Variants in BMPR1B observed in about 807,000 individuals in gnomAD.
BMPR1B encodes the protein bone morphogenetic protein receptor type 1B, also known as bone morphogenetic protein receptor type-1B.
BMPR1B carries 12 observed loss-of-function variants against 59.1 expected under a neutral mutation model. The ratio of observed to expected loss-of-function variants is 0.20; its 90% CI spans 0.13 to 0.33. BMPR1B has a LOEUF of 0.33. Ranked by LOEUF, BMPR1B falls within the 10% of genes least tolerant of loss-of-function variation. The probability of loss-of-function intolerance (pLI) is 1.00; values close to 1 mark genes in which losing one functional copy is unlikely to be tolerated. For missense variants in BMPR1B, 550 were observed against 610.9 expected (o/e 0.90, Z 1.05); for synonymous variants, 237 against 207.3 (o/e 1.14, Z -1.23).
chr4:95,095,436 T>C (rs1730297109), intron 3 of BMPR1B, among the ~76,000 whole-genome samples: 1 of 152,084 alleles, frequency 6.6e-6, no homozygotes, highest in African/African-American at 2.4e-5. Context: ...CCAAAGTTGT[T>C]GCTAGCCAGT....
chr4:95,032,654 GC>G (rs1279845861), intron 3 of BMPR1B, among the ~76,000 whole-genome samples: 1 of 152,006 alleles, frequency 6.6e-6, no homozygotes, highest in Non-Finnish European at 1.5e-5. Context: ...ATTTCACTTG[GC>G]CTAATATCCT....
intron 2 of BMPR1B, among the ~76,000 whole-genome samples, chr4:94,990,225 A>G (rs980858251): frequency 6.6e-6 from 1 of 152,066 alleles, no homozygotes; most frequent in African/African-American, 2.4e-5. Flanking sequence ...GCGTAGTGGC[A>G]GGCGCCTGTA....
intron 4 of BMPR1B, among the ~76,000 whole-genome samples, chr4:95,109,914 T>A (rs1029830511): frequency 2.3e-5 from 3 of 131,150 alleles, no homozygotes; most frequent in African/African-American, 5.8e-5. Flanking sequence ...CCTGTGTCCA[T>A]GTGTTCTCAT....
chr4:94,898,621 G>A, intron 2 of BMPR1B, among the ~76,000 whole-genome samples: 1 of 152,028 alleles, frequency 6.6e-6, no homozygotes, highest in East Asian at 1.9e-4. Context: ...CCAGCAATGT[G>A]GAACTGTGAG....
intron 11 of BMPR1B, among the ~76,000 whole-genome samples, chr4:95,151,467 C>T (rs1398015793): frequency 1.3e-5 from 2 of 152,092 alleles, no homozygotes; most frequent in East Asian, 3.9e-4. Context: ...GCGTGTTAGG[C>T]CCTGTGCTTT....
At chr4:95,009,336 A>G (rs1489168722) in intron 3 of BMPR1B, among the ~76,000 whole-genome samples, 1 of 152,194 alleles carries the variant, frequency 6.6e-6, no homozygotes, top group East Asian at 1.9e-4. Context: ...TAGTAGTAGT[A>G]TACATAGTAG....
chr4:94,857,782 A>G (rs1327279039), intron 1 of BMPR1B, among the ~76,000 whole-genome samples: 1 of 152,230 alleles, frequency 6.6e-6, no homozygotes, highest in Non-Finnish European at 1.5e-5. Flanking sequence ...AACCTATTTT[A>G]AACAATACAA....
intron 2 of BMPR1B, among the ~76,000 whole-genome samples, chr4:94,978,103 T>G (rs940973661): frequency 1.8e-4 from 28 of 152,232 alleles, no homozygotes; most frequent in South Asian, 8.3e-4. Context: ...CAGGCCCTTC[T>G]GTCTTCCATA....
intron 3 of BMPR1B, among the ~76,000 whole-genome samples, chr4:95,003,714 A>G (rs1722614179): frequency 6.6e-6 from 1 of 150,764 alleles, no homozygotes; most frequent in Admixed American, 6.6e-5. Context: ...AGAAACTGAG[A>G]CCCCAAAATG....
intron 2 of BMPR1B, among the ~76,000 whole-genome samples, chr4:94,929,792 A>C (rs746595064): frequency 6.6e-6 from 1 of 151,960 alleles, no homozygotes; most frequent in African/African-American, 2.4e-5. Flanking sequence ...TGATTTCTGC[A>C]CGTCTCCACT....
chr4:94,993,427 A>T (rs887163421), intron 2 of BMPR1B, among the ~76,000 whole-genome samples: 3 of 152,186 alleles, frequency 2.0e-5, no homozygotes, highest in Non-Finnish European at 2.9e-5. Context: ...AGAAAATTTA[A>T]CATTAAAAAT....
chr4:95,114,332 C>A (rs1410652378), intron 4 of BMPR1B, among the ~76,000 whole-genome samples: 1 of 152,070 alleles, frequency 6.6e-6, no homozygotes, highest in African/African-American at 2.4e-5. Flanking sequence ...ATATAGAAAG[C>A]AACAGTAGTG....
intron 1 of BMPR1B, among the ~76,000 whole-genome samples, chr4:94,858,833 C>T (rs961173193): frequency 6.6e-6 from 1 of 152,174 alleles, no homozygotes; most frequent in Admixed American, 6.5e-5. Flanking sequence ...GTGAAAGACA[C>T]TGTAATCCTA....
chr4:94,863,409 T>C (rs1726080858), intron 1 of BMPR1B, among the ~76,000 whole-genome samples: 1 of 152,172 alleles, frequency 6.6e-6, no homozygotes, highest in African/African-American at 2.4e-5. Flanking sequence ...TTCTTGAGTA[T>C]ATCAGTCGAG....
Position 95,154,796 on chromosome 4 carries a change from T to C in BMPR1B, c.*123T>C. The C allele has an allele frequency of 6.9e-7, 1 of 1,440,054 alleles. No individual in the cohort carries two copies. Among genetic ancestry groups the C allele is most frequent in the Non-Finnish European group, 9.6e-7 (1 of 1,037,908 alleles). 89.2% of individuals were successfully genotyped at this position (1,440,054 alleles called of 1,614,324 possible). A position where few individuals can be genotyped will look rare whatever the true frequency, so the allele number is the denominator to read the frequency against. ...CCTTGAACATCGTCCTGCTTCCCAG[T>C]GGGTTCAGACCTCACCTCTCAGGGA... is the stretch of plus-strand genomic sequence containing the variant. On this transcript the variant is annotated 3_prime_UTR_variant, in exon 13 of 13. Transcript: ENST00000515059.
chr4:94,850,408 G>A (rs550540902), intron 1 of BMPR1B, among the ~76,000 whole-genome samples: 60 of 152,252 alleles, frequency 3.9e-4, no homozygotes, highest in African/African-American at 1.4e-3. Context: ...GTGGCAGGTA[G>A]CGTGACTGCC....
chr4:94,992,892 C>T (rs1449343736), intron 2 of BMPR1B, among the ~76,000 whole-genome samples: 4 of 150,660 alleles, frequency 2.7e-5, no homozygotes, highest in Admixed American at 6.6e-5. Flanking sequence ...CTTTTTTTTT[C>T]CCCCTAAAGA....
At position 95,137,815 on chromosome 4, in the gene BMPR1B, G is replaced by C. The variant is rs1333315333; in HGVS notation, c.1076+6303G>C. Among the ~76,000 whole-genome samples the C allele has an allele frequency of 3.3e-5, 5 of 152,058 alleles. No homozygotes were observed. In the South Asian group the frequency reaches 1.0e-3, roughly 32 times the overall value. ...CTATGTGTGTCTCTGCACATGAGATGGGTCTCCTGAATACAGCACACTGAT... is the reference window on the plus strand; with the variant it reads ...CTATGTGTGTCTCTGCACATGAGATCGGTCTCCTGAATACAGCACACTGAT... On this transcript the variant is annotated intron_variant, in intron 10 of 12. Coordinates refer to ENST00000515059, the MANE Select transcript of BMPR1B (RefSeq NM_001203.3).
chr4:95,015,950 C>T (rs1048748955), intron 3 of BMPR1B, among the ~76,000 whole-genome samples: 5 of 152,148 alleles, frequency 3.3e-5, no homozygotes, highest in African/African-American at 1.2e-4. Context: ...CTTGGCTTCC[C>T]AAAGTGTTGG....
Sources: allele counts gnomAD v4.1 joint callset (sites outside exome capture counted in the v4.1 genomes callset), GRCh38; gene constraint gnomAD v4.1.1; transcripts MANE v1.5; gene names NCBI Gene and HGNC (gene_info 2026-07-23, HGNC 2026-07-21).